ITPR1: variants seen among roughly 807,000 people sequenced by gnomAD.
The protein encoded by ITPR1 is inositol 1,4,5-trisphosphate-gated calcium channel ITPR1.
ITPR1 carries 96 observed loss-of-function variants against 318.4 expected under a neutral mutation model. The ratio of observed to expected loss-of-function variants is 0.30; its 90% CI spans 0.26 to 0.36. The LOEUF (loss-of-function observed/expected upper bound fraction) is 0.36. ITPR1 is among the 10% of genes least tolerant of loss of function. The pLI, the probability that ITPR1 is intolerant of heterozygous loss-of-function variation, is 1.00. For synonymous variants in ITPR1, 1,312 were observed against 1,289.9 expected, an observed-to-expected ratio of 1.02 and a Z score of -0.37; for missense variants, 2,440 against 3,460.2, an observed-to-expected ratio of 0.71 and a Z score of 7.40.
At chr3:4,793,317 C>G (rs1333119965) in intron 52 of ITPR1, among the ~76,000 whole-genome samples, 1 of 152,238 alleles carries the variant, frequency 6.6e-6, no homozygotes, top group Non-Finnish European at 1.5e-5. Context: ...GAAACGAATG[C>G]TGGCTTACAC....
At position 4,710,627 on chromosome 3, in the gene ITPR1, G is replaced by T. The variant is rs964651657; in HGVS notation, c.4991+154G>T. 6.6e-6 allele frequency among the ~76,000 whole-genome samples: 1 copy of T among 152,200 alleles called. No homozygotes were observed. The highest frequency in any genetic ancestry group is 1.5e-5 in the Non-Finnish European group (1 of 68,042). ...TCCTGTTCTGACCTCCCCAAAGTAA[G>T]TTTGTCTATTAAATCCTGCTTACTG... On this transcript the variant is annotated intron_variant, in intron 38 of 61. Transcript: ENST00000649015. The surrounding 1 kb of genome is among the most constrained non-coding windows in gnomAD (Gnocchi z 4.2).
intron 4 of ITPR1, among the ~76,000 whole-genome samples, chr3:4,539,450 T>G (rs1010257013): frequency 1.3e-5 from 2 of 152,194 alleles, no homozygotes; most frequent in African/African-American, 4.8e-5. Context: ...TTTATCTCCT[T>G]GATCTATCCA....
chr3:4,637,775 G>A (rs899803807), intron 5 of ITPR1, among the ~76,000 whole-genome samples: 3 of 152,154 alleles, frequency 2.0e-5, no homozygotes, highest in Admixed American at 2.0e-4. Context: ...CTCAAAAGAT[G>A]TGCTTTCCTA....
chr3:4,526,763 G>T (rs2083013574), intron 4 of ITPR1, among the ~76,000 whole-genome samples: 1 of 152,184 alleles, frequency 6.6e-6, no homozygotes, highest in Non-Finnish European at 1.5e-5. Context: ...TCACTTCTTA[G>T]AATGATTATC....
intron 4 of ITPR1, among the ~76,000 whole-genome samples, chr3:4,554,351 C>A (rs1284901570): frequency 2.6e-5 from 4 of 152,218 alleles, no homozygotes; most frequent in African/African-American, 7.2e-5. Context: ...TTAGAGAATA[C>A]ATTTTTTGCC....
intron 10 of ITPR1, among the ~76,000 whole-genome samples, chr3:4,647,701 G>A (rs1559607682): frequency 1.3e-5 from 2 of 152,216 alleles, no homozygotes; most frequent in African/African-American, 4.8e-5. Flanking sequence ...TTTAGTAGGT[G>A]TGTAGTGAAA....
intron 47 of ITPR1, among the ~76,000 whole-genome samples, chr3:4,775,653 G>A (rs2046438466): frequency 6.6e-6 from 1 of 152,172 alleles, no homozygotes; most frequent in South Asian, 2.1e-4. Context: ...ACAGTCCATG[G>A]TCTCTTTCCT....
chr3:4,767,320 TC>T (rs1183263489), intron 45 of ITPR1, among the ~76,000 whole-genome samples: 2 of 152,242 alleles, frequency 1.3e-5, no homozygotes, highest in African/African-American at 2.4e-5. Context: ...ATACACATTC[TC>T]TACCCAGTAG....
At chr3:4,787,537 G>GTAA (rs1553745667) in intron 51 of ITPR1, among the ~76,000 whole-genome samples, 1 of 130,372 alleles carries the variant, frequency 7.7e-6, no homozygotes, top group Non-Finnish European at 1.6e-5. Context: ...AATACTGGAG[G>GTAA]AAAAAAAAAA....
intron 2 of ITPR1, among the ~76,000 whole-genome samples, chr3:4,504,820 C>G (rs189015209): frequency 4.6e-5 from 7 of 152,280 alleles, no homozygotes; most frequent in Admixed American, 4.6e-4. Flanking sequence ...TTCTCTACCT[C>G]GTATTTACAG....
At chr3:4,597,520 G>A (rs1165466199) in intron 4 of ITPR1, among the ~76,000 whole-genome samples, 1 of 152,146 alleles carries the variant, frequency 6.6e-6, no homozygotes, top group Admixed American at 6.5e-5. Context: ...AGACAAAAGG[G>A]TGTTGGAATT....
At chr3:4,753,708 C>A (rs151114397) in intron 44 of ITPR1, among the ~76,000 whole-genome samples, 1 of 152,146 alleles carries the variant, frequency 6.6e-6, no homozygotes, top group East Asian at 1.9e-4. Context: ...TTGCCTCCAT[C>A]CGGCCTGAGT....
rs1181374459 is a variant in ITPR1, at chr3:4,831,121, T to TCACACA, written c.8029-5652_8029-5651insACACAC. On this transcript the variant is annotated intron_variant, in intron 60 of 61. Transcript: ENST00000649015. ...GTCTGTCTTTGTCTCTCTCTCTCTC[T>TCACACA]CTCTCTCTCTCACACACACACACAC... 1.2e-3 allele frequency: 314 copies of TCACACA among 269,758 alleles called. 1 individual carries two copies. The highest frequency in any genetic ancestry group is 2.5e-3 in the Middle Eastern group (3 of 1,202). The allele number at this position is 269,758 out of a possible 1,614,324, so 16.7% of individuals were successfully genotyped here. A position where few individuals can be genotyped will look rare whatever the true frequency, so the allele number is the denominator to read the frequency against.
chr3:4,719,438 G>A (rs7616447), intron 40 of ITPR1, among the ~76,000 whole-genome samples: 1,618 of 152,288 alleles, frequency 0.011, 8 homozygotes, highest in Non-Finnish European at 0.017. Flanking sequence ...GTCGTTTGCC[G>A]GTGTGTACTC....
At chr3:4,770,153 G>T (rs2046095536) in intron 46 of ITPR1, among the ~76,000 whole-genome samples, 3 of 152,140 alleles carry the variant, frequency 2.0e-5, no homozygotes, top group Admixed American at 2.0e-4. Context: ...TCCAGATCTG[G>T]CCAGGGAAGG....
At chr3:4,724,160 T>G (rs1357940436) in intron 40 of ITPR1, among the ~76,000 whole-genome samples, 2 of 152,188 alleles carry the variant, frequency 1.3e-5, no homozygotes, top group Non-Finnish European at 2.9e-5. Context: ...TCCCTGAGAT[T>G]AGTGGAGTTG....
chr3:4,531,945 C>T (rs1690739781), intron 4 of ITPR1, among the ~76,000 whole-genome samples: 1 of 152,220 alleles, frequency 6.6e-6, no homozygotes, highest in Admixed American at 6.5e-5. Flanking sequence ...CTTAACCTGG[C>T]AATGCCTCCA....
rs192863290 is a variant in ITPR1 at position 4,699,878 on chromosome 3, C to T, written c.4473C>T (p.Ile1491=). The T allele has an allele frequency of 3.4e-5, 55 of 1,613,564 alleles. No individual in the cohort carries two copies. The highest frequency in any genetic ancestry group is 2.7e-4 in the Admixed American group (16 of 60,018). The change falls in exon 35 of 62, where the codon ATC becomes ATT. Residue 1491 remains isoleucine, a synonymous_variant. Coordinates refer to ENST00000649015, the MANE Select transcript of ITPR1 (RefSeq NM_001378452.1). Reference sequence around the variant, plus strand: ...TTTTGGAGAAGTATGTCACCGAAATCGTCATGAGTATTGTTACTACTTTCT... The same window carrying T: ...TTTTGGAGAAGTATGTCACCGAAATTGTCATGAGTATTGTTACTACTTTCT... The part of the protein sequence containing the change: ...DSILEKYVTE[I]VMSIVTTFFS...
intron 24 of ITPR1, among the ~76,000 whole-genome samples, 161 bp downstream of exon 24, chr3:4,676,962 C>T (rs1441226009): frequency 6.6e-6 from 1 of 152,156 alleles, no homozygotes. Flanking sequence ...TCCTCTTAAT[C>T]CCTTTACTGC....
Sources: allele counts gnomAD v4.1 joint callset (sites outside exome capture counted in the v4.1 genomes callset), GRCh38; gene constraint gnomAD v4.1.1; non-coding constraint Gnocchi (gnomAD v3.1); transcripts MANE v1.5; gene names NCBI Gene and HGNC (gene_info 2026-07-23, HGNC 2026-07-21).